The following SLAMF9 variants were observed in gnomAD, a reference collection of about 807,000 sequenced individuals.
SLAMF9 encodes SLAM family member 9, also known as CD2 family member 10.
Under a neutral mutation model 30.4 loss-of-function variants are expected in SLAMF9, and 25 were observed. That is an observed-to-expected ratio of 0.82 (90% CI 0.60 to 1.15). SLAMF9 has a LOEUF of 1.15. SLAMF9 is among the 50% of genes most tolerant of loss of function. SLAMF9 has a pLI of 0.00. For missense variants in SLAMF9, 344 were observed against 346.1 expected, an observed-to-expected ratio of 0.99 and a Z score of 0.05; for synonymous variants, 129 against 127.2, an observed-to-expected ratio of 1.01 and a Z score of -0.09.
intron 2 of SLAMF9, among the ~76,000 whole-genome samples, chr1:159,952,990 A>G (rs761728117): frequency 7.2e-5 from 11 of 152,226 alleles, no homozygotes; most frequent in Non-Finnish European, 1.3e-4. Context: ...TAAAAGGCTC[A>G]AGAATGTAGG....
chr1:159,953,476 A>C lies in SLAMF9; in HGVS notation c.224T>G (p.Ile75Ser). ...CTGGTAGTGTGGATTGGTCACCATG[A>C]TGGTAGCTGGATGTCCCTCTTTCCC... ...VPGKEGHPAT[I>S]MVTNPHYQGQ... Residue 75 changes from isoleucine (I) to serine (S), a missense_variant, in exon 2 of 4, where the codon ATC (isoleucine) becomes AGC (serine). By Grantham distance (142) the Ile-to-Ser change is moderately radical. Coordinates refer to ENST00000368093, the MANE Select transcript of SLAMF9 (RefSeq NM_033438.4). 1 of 1,614,134 alleles carries C rather than the reference A, an allele frequency of 6.2e-7. No homozygotes were observed. The highest frequency in any genetic ancestry group is 8.5e-7 in the Non-Finnish European group (1 of 1,180,008).
At chr1:159,977,242 C>T in the SLAMF9 span, 1 of 152,182 alleles carries the variant, frequency 6.6e-6, no homozygotes, top group Non-Finnish European at 1.5e-5. Context: ...TCCTGGCACT[C>T]ATTTCTTTTT....
chr1:159,960,860 G>A, the SLAMF9 span, among the ~76,000 whole-genome samples: 16 of 152,190 alleles, frequency 1.1e-4, no homozygotes, highest in African/African-American at 2.4e-4. Context: ...GTGAGTAAAC[G>A]TGGATAAATG....
chr1:159,958,061 G>A (rs78643522), upstream of SLAMF9, among the ~76,000 whole-genome samples: 3,246 of 152,326 alleles, frequency 0.021, 51 homozygotes, highest in Non-Finnish European at 0.032. Context: ...GTTAGAGAAG[G>A]CCTGTGGTGG....
At chr1:159,979,478 C>T in the SLAMF9 span, among the ~76,000 whole-genome samples, 1 of 152,132 alleles carries the variant, frequency 6.6e-6, no homozygotes, top group Non-Finnish European at 1.5e-5. Context: ...AAACTATGAG[C>T]TCATGTTGGC....
chr1:159,976,989 G>GGAAA, the SLAMF9 span: 1,589 of 44,074 alleles, frequency 0.036, 55 homozygotes, highest in African/African-American at 0.091. Flanking sequence ...AAGGAAAGAA[G>GGAAA]GAAAGAAAGA....
chr1:159,977,044 T>C, the SLAMF9 span: 1 of 140,920 alleles, frequency 7.1e-6, no homozygotes, highest in East Asian at 2.1e-4. Flanking sequence ...AGGGGGAGAG[T>C]AGGTGAAAAG....
At chr1:159,982,757 G>A in the SLAMF9 span, among the ~76,000 whole-genome samples, 302 of 152,312 alleles carry the variant, frequency 2.0e-3, 4 homozygotes, top group Middle Eastern at 3.4e-3. Flanking sequence ...ATGGCTGGGC[G>A]CGGTGGCTCA....
the SLAMF9 span, chr1:159,983,443 A>G: frequency 2.0e-5 from 3 of 152,228 alleles, no homozygotes; most frequent in Non-Finnish European, 4.4e-5. Context: ...CAAGTTGCCA[A>G]GAAAAGCAAG....
chr1:159,973,366 C>CT, the SLAMF9 span: 3 of 549,596 alleles, frequency 5.5e-6, no homozygotes, highest in South Asian at 2.5e-5. Flanking sequence ...TCTACTCAGT[C>CT]CAGGCTGCAG....
In SLAMF9 at chr1:159,951,601, G is replaced by T; in HGVS notation, c.*60C>A. ...TTCCCCTGGAAAGAAGAGAGCTGAG[G>T]AAGGATTCTCTGGGTGCTGGGAAGA... On this transcript the variant is annotated 3_prime_UTR_variant, in exon 4 of 4. Coordinates refer to ENST00000368093, the MANE Select transcript of SLAMF9 (RefSeq NM_033438.4). The T allele has an allele frequency of 1.3e-6, 2 of 1,523,688 alleles. No homozygotes were observed. Among genetic ancestry groups the T allele is most frequent in the Non-Finnish European group, 1.8e-6 (2 of 1,103,692 alleles). 94.4% of individuals were successfully genotyped at this position (1,523,688 alleles called of 1,614,324 possible). A position where few individuals can be genotyped will look rare whatever the true frequency, so the allele number is the denominator to read the frequency against.
chr1:159,973,599 C>T, the SLAMF9 span, among the ~76,000 whole-genome samples: 1 of 152,316 alleles, frequency 6.6e-6, no homozygotes. Flanking sequence ...CCCCCTCCTT[C>T]CCCTGGCTAC....
chr1:159,975,627 G>T, the SLAMF9 span, among the ~76,000 whole-genome samples: 1 of 152,130 alleles, frequency 6.6e-6, no homozygotes, highest in Non-Finnish European at 1.5e-5. Flanking sequence ...TCTGATGGCT[G>T]CCAAGTAAAG....
upstream of SLAMF9, among the ~76,000 whole-genome samples, chr1:159,957,140 C>CAAAAAAAAAAAAAAAAAAAAAAA: frequency 9.5e-6 from 1 of 104,780 alleles, no homozygotes; most frequent in Non-Finnish European, 1.7e-5. Flanking sequence ...AAAAAAAAGA[C>CAAAAAAAAAAAAAAAAAAAAAAA]AAAAAAAAAA....
the SLAMF9 span, among the ~76,000 whole-genome samples, chr1:159,969,411 C>A: frequency 6.6e-6 from 1 of 152,164 alleles, no homozygotes; most frequent in Non-Finnish European, 1.5e-5. Context: ...GCAACCTTTC[C>A]TCAATGGAAA....
the SLAMF9 span, chr1:159,977,243 A>G: frequency 0.029 from 4,366 of 152,282 alleles, 93 homozygotes; most frequent in African/African-American, 0.063. Context: ...CCTGGCACTC[A>G]TTTCTTTTTT....
chr1:159,978,609 A>C, the SLAMF9 span: 1 of 152,188 alleles, frequency 6.6e-6, no homozygotes, highest in African/African-American at 2.4e-5. Context: ...GTCTTTAATA[A>C]AAGCTTGACT....
At chr1:159,956,405 GGTGCAGT>G (rs1651923954), upstream of SLAMF9, among the ~76,000 whole-genome samples, 1 of 151,944 alleles carries the variant, frequency 6.6e-6, no homozygotes, top group Non-Finnish European at 1.5e-5. Context: ...GGAGTTTGAG[GGTGCAGT>G]GAGCTATGAT....
the SLAMF9 span, among the ~76,000 whole-genome samples, chr1:159,975,979 TGTTCTGGGCTG>T: frequency 1.3e-5 from 2 of 152,226 alleles, no homozygotes; most frequent in Admixed American, 1.3e-4. Context: ...CTTCAGGATC[TGTTCTGGGCTG>T]GAGATAGAGA....
Sources: gnomAD v4.1 joint callset for allele counts (sites outside exome capture counted in the v4.1 genomes callset) on GRCh38, gnomAD v4.1.1 for gene constraint, MANE v1.5 for transcripts, NCBI Gene and HGNC (gene_info 2026-07-23, HGNC 2026-07-21) for gene names.